Variants in UROC1 observed in about 807,000 individuals in gnomAD.
The protein encoded by UROC1 is urocanate hydratase 1.
UROC1 carries 79 observed loss-of-function variants against 89.5 expected under a neutral mutation model. The observed-to-expected ratio is 0.88, with a 90% confidence interval of 0.74 to 1.06. The LOEUF (loss-of-function observed/expected upper bound fraction) is 1.06. UROC1 is among the 50% of genes least tolerant of loss of function. The probability of loss-of-function intolerance (pLI) is 0.00; values close to 1 mark genes in which losing one functional copy is unlikely to be tolerated. For synonymous variants in UROC1, 361 were observed against 354.8 expected (o/e 1.02, Z -0.20); for missense variants, 885 against 907.8 (o/e 0.97, Z 0.32).
chr3:126,482,057 A>G lies in UROC1; in HGVS notation c.*288T>C. The G allele has an allele frequency of 2.1e-6, 1 of 483,158 alleles. No homozygotes were observed. Among genetic ancestry groups the G allele is most frequent in the Non-Finnish European group, 3.8e-6 (1 of 264,794 alleles). The allele number at this position is 483,158 out of a possible 1,614,324, so 29.9% of individuals were successfully genotyped here. On this transcript the variant is annotated 3_prime_UTR_variant, in exon 20 of 20. Coordinates refer to ENST00000290868, the MANE Select transcript of UROC1 (RefSeq NM_144639.3). ...AGAGAGCTTGACCAGTGTTCACCGCAGGGCCCCCGGGCAGGCTTGGGACTT... is the reference window on the plus strand; with the variant it reads ...AGAGAGCTTGACCAGTGTTCACCGCGGGGCCCCCGGGCAGGCTTGGGACTT...
At chr3:126,495,813 GT>G (rs1935762192) in intron 15 of UROC1, among the ~76,000 whole-genome samples, 1 of 152,174 alleles carries the variant, frequency 6.6e-6, no homozygotes, top group Admixed American at 6.5e-5. Context: ...CCCTTTAAAG[GT>G]CCCCGGCTTC....
chr3:126,517,679 C>A lies in UROC1; in HGVS notation c.41G>T (p.Arg14Leu). 6.2e-7 allele frequency: 1 copy of A among 1,601,932 alleles called. No individual in the cohort carries two copies. Among genetic ancestry groups the A allele is most frequent in the Non-Finnish European group, 8.5e-7 (1 of 1,175,016 alleles). ...GCGTCCCCGGTTCTCTGGGAGGGGCCGCAGGGGCAGGCCAGAGCACAGCGC... is the reference window on the plus strand; with the variant it reads ...GCGTCCCCGGTTCTCTGGGAGGGGCAGCAGGGGCAGGCCAGAGCACAGCGC... ...LQALCSGLPLRPLPENRGRQA... is the reference protein window; with the variant it reads ...LQALCSGLPLLPLPENRGRQA... Residue 14 changes from arginine (R) to leucine (L), a missense_variant, in exon 1 of 20, where the codon CGG (arginine) becomes CTG (leucine). Arg to Leu is a moderately radical substitution (Grantham distance 102). Transcript: ENST00000290868.
intron 9 of UROC1, chr3:126,501,714 G>C (rs1028357874): frequency 9.0e-6 from 13 of 1,449,702 alleles, no homozygotes; most frequent in Non-Finnish European, 9.4e-6. Context: ...GATTTGAACA[G>C]GCCTTGCAGG....
chr3:126,499,385 G>A lies in UROC1; in HGVS notation c.1268C>T (p.Ala423Val), dbSNP rs1175621463. The A allele has an allele frequency of 2.5e-6, 4 of 1,612,742 alleles. No homozygotes were observed. The Admixed American group carries it at 6.7e-5, about 27-fold the overall frequency. The change falls in exon 13 of 20, where the codon GCT becomes GTT. Residue 423 changes from alanine to valine, a missense_variant. Physicochemically the swap from Ala to Val is moderately conservative, Grantham distance 64. Transcript: ENST00000290868. ...AGGGTAGCGGAACTCTGTCCTGCCA[G>A]CACCTTTCTTCTCCACATCCGCTCC... ...RAGADVEKKGAGRTEFRYPSY... is the reference protein window; with the variant it reads ...RAGADVEKKGVGRTEFRYPSY...
Position 126,482,436 on chromosome 3 carries a change from C to T in UROC1, c.1940G>A (p.Cys647Tyr). 3 of 1,614,024 alleles carry T rather than the reference C, an allele frequency of 1.9e-6. No individual in the cohort carries two copies. Among genetic ancestry groups the T allele is most frequent in the Non-Finnish European group, 2.5e-6 (3 of 1,180,006 alleles). Residue 647 changes from cysteine to tyrosine, a missense_variant, in exon 20 of 20, where the codon TGC (cysteine) becomes TAC (tyrosine). Physicochemically the swap from Cys to Tyr is radical, Grantham distance 194. Coordinates refer to ENST00000290868, the MANE Select transcript of UROC1 (RefSeq NM_144639.3). ...SGNQKAYEII[C>Y]QTMQENSTLV... ...GGTGCTGTTCTCCTGCATGGTCTGG[C>T]AGATGATCTCATAGGCCTTCTGGTT...
intron 14 of UROC1, among the ~76,000 whole-genome samples, 183 bp from the exon 15 acceptor site, chr3:126,496,291 C>T (rs941440884): frequency 6.9e-6 from 1 of 145,324 alleles, no homozygotes; most frequent in Non-Finnish European, 1.5e-5. Flanking sequence ...GTGCCAGTGG[C>T]CCCATGAATT....
intron 14 of UROC1, 33 bp from the exon 15 acceptor site, chr3:126,496,141 C>T (rs1424043120): frequency 1.2e-6 from 2 of 1,603,506 alleles, no homozygotes; most frequent in Non-Finnish European, 1.7e-6. Flanking sequence ...CGTCAGAGAC[C>T]CTCCAGGGGC....
At chr3:126,507,908 C>T (rs1041041273) in intron 5 of UROC1, 59 bp downstream of exon 5, 27 of 1,612,684 alleles carry the variant, frequency 1.7e-5, no homozygotes, top group African/African-American at 2.7e-5. Context: ...TTCTTTCCAG[C>T]GTCTGCACCC....
At position 126,504,099 on chromosome 3, in the gene UROC1, A is replaced by G. The variant is rs555549880; in HGVS notation, c.814-16T>C. ...CTTTATCCACCTGGGGCCATGAGAC[A>G]TGGGGCCACGAGACATGGGGCCACC... On this transcript the variant is annotated splice_polypyrimidine_tract_variant and intron_variant, in intron 8 of 19. Transcript: ENST00000290868. 5 of 1,611,964 alleles carry G rather than the reference A, an allele frequency of 3.1e-6. No individual in the cohort carries two copies. The East Asian group carries it at 1.1e-4, about 36-fold the overall frequency.
intron 13 of UROC1, among the ~76,000 whole-genome samples, chr3:126,498,717 C>T (rs930304385): frequency 1.3e-5 from 2 of 152,146 alleles, no homozygotes; most frequent in Non-Finnish European, 2.9e-5. Flanking sequence ...ACCTCTGCAC[C>T]CCACAGTGAG....
At chr3:126,485,602 T>TTTA (rs1553805066) in intron 18 of UROC1, among the ~76,000 whole-genome samples, 2 of 151,364 alleles carry the variant, frequency 1.3e-5, no homozygotes, top group African/African-American at 4.9e-5. Context: ...TTTATTTATT[T>TTTA]TTTTTTGGTA....
chr3:126,512,634 G>T (rs1167054801), intron 1 of UROC1, among the ~76,000 whole-genome samples: 5 of 152,258 alleles, frequency 3.3e-5, no homozygotes, highest in East Asian at 1.9e-4. Flanking sequence ...GAGGTAGGAA[G>T]ATTGCTTGAG....
At chr3:126,496,315 C>A (rs760531313) in intron 14 of UROC1, among the ~76,000 whole-genome samples, 1 of 152,158 alleles carries the variant, frequency 6.6e-6, no homozygotes, top group African/African-American at 2.4e-5. Flanking sequence ...AATGCACAGC[C>A]GTGCAGCGCA....
chr3:126,505,576 G>C (rs1293011585), intron 8 of UROC1, 125 bp downstream of exon 8: 2 of 1,461,846 alleles, frequency 1.4e-6, no homozygotes, highest in South Asian at 1.2e-5. Context: ...AGGAGGCAAG[G>C]GTGGCCTGGG....
intron 15 of UROC1, among the ~76,000 whole-genome samples, chr3:126,494,756 C>T (rs930165011): frequency 6.6e-6 from 1 of 152,174 alleles, no homozygotes; most frequent in Non-Finnish European, 1.5e-5. Flanking sequence ...TGGTTGCAAC[C>T]CTCTCAGCAT....
intron 1 of UROC1, among the ~76,000 whole-genome samples, chr3:126,513,824 A>G (rs866696236): frequency 2.6e-5 from 4 of 152,110 alleles, no homozygotes; most frequent in South Asian, 4.1e-4. Context: ...GTATGCCCCT[A>G]TTCAGAAACT....
At chr3:126,504,745 T>C (rs565320120) in intron 8 of UROC1, among the ~76,000 whole-genome samples, 42 of 152,252 alleles carry the variant, frequency 2.8e-4, no homozygotes, top group Non-Finnish European at 4.8e-4. Flanking sequence ...CAAATCCCAC[T>C]GGCACATATC....
chr3:126,490,496 G>A (rs531634729), intron 16 of UROC1, among the ~76,000 whole-genome samples: 8 of 152,186 alleles, frequency 5.3e-5, no homozygotes, highest in Non-Finnish European at 1.2e-4. Context: ...GACCAGCCTG[G>A]CCAACATGGC....
At chr3:126,507,466 A>G (rs1246604141) in intron 6 of UROC1, among the ~76,000 whole-genome samples, 1 of 152,164 alleles carries the variant, frequency 6.6e-6, no homozygotes, top group Non-Finnish European at 1.5e-5. Flanking sequence ...GGTGGTATTC[A>G]CTGTAAATTC....
Sources: gnomAD v4.1 joint callset for allele counts (sites outside exome capture counted in the v4.1 genomes callset) on GRCh38, gnomAD v4.1.1 for gene constraint, MANE v1.5 for transcripts, NCBI Gene and HGNC (gene_info 2026-07-23, HGNC 2026-07-21) for gene names.